DYSF: variants seen among roughly 807,000 people sequenced by gnomAD.
The protein encoded by DYSF is dysferlin.
Under a neutral mutation model 274.9 loss-of-function variants are expected in DYSF, and 212 were observed. The ratio of observed to expected loss-of-function variants is 0.77; its 90% CI spans 0.69 to 0.86. DYSF has a LOEUF of 0.86. Among genes scored for constraint, DYSF ranks in the 40% least tolerant of loss-of-function variants. The pLI is 0.00. For synonymous variants in DYSF, 1,091 were observed against 1,078.7 expected (o/e 1.01, Z -0.22); for missense variants, 2,666 against 2,783.2 (o/e 0.96, Z 0.95).
At chr2:71,503,520 C>T (rs2085196418) in intron 4 of DYSF, among the ~76,000 whole-genome samples, 1 of 152,142 alleles carries the variant, frequency 6.6e-6, no homozygotes, top group South Asian at 2.1e-4. Flanking sequence ...GAGCCCTGAC[C>T]CCACCTGCAG....
chr2:71,617,976 G>T (rs1377962306), intron 40 of DYSF, among the ~76,000 whole-genome samples: 1 of 143,260 alleles, frequency 7.0e-6, no homozygotes, highest in Non-Finnish European at 1.5e-5. Context: ...AGAGGTGTTT[G>T]TGTGGTAGAG....
At chr2:71,551,530 A>G in intron 18 of DYSF, 77 bp from the exon 19 acceptor site, 2 of 1,286,414 alleles carry the variant, frequency 1.6e-6, no homozygotes, top group Non-Finnish European at 2.2e-6. Context: ...GAGCTACCTC[A>G]GGGCCAGAGG....
At chr2:71,540,756 A>G (rs1384761078) in intron 17 of DYSF, among the ~76,000 whole-genome samples, 1 of 151,760 alleles carries the variant, frequency 6.6e-6, no homozygotes, top group African/African-American at 2.4e-5. Context: ...GGAAATGTTT[A>G]TCTTTTTCTC....
intron 41 of DYSF, among the ~76,000 whole-genome samples, chr2:71,625,972 G>A (rs969602619): frequency 5.9e-5 from 9 of 151,768 alleles, no homozygotes; most frequent in African/African-American, 1.7e-4. Flanking sequence ...AAATGAAATC[G>A]ATTCTCATAT....
chr2:71,669,282 G>C, intron 50 of DYSF, 75 bp downstream of exon 50: 10 of 1,278,952 alleles, frequency 7.8e-6, no homozygotes, highest in Non-Finnish European at 1.0e-5. Context: ...GCACAGCACG[G>C]GGGGCTCTGG....
chr2:71,509,046 G>C (rs1029328352), intron 4 of DYSF, among the ~76,000 whole-genome samples: 3 of 151,798 alleles, frequency 2.0e-5, no homozygotes, highest in African/African-American at 7.3e-5. Flanking sequence ...TAGAGATGGG[G>C]GGTTTTACCA....
In DYSF at chr2:71,656,216, T is replaced by G. The variant is rs768643299; in HGVS notation, c.4681T>G (p.Cys1561Gly). The change falls in exon 43 of 56, where the codon TGT (cysteine) becomes GGT (glycine). Residue 1561 changes from cysteine to glycine, a missense_variant. Transcript: ENST00000410020. ...VEAFEGLSDF[C>G]NTFKLYRGKT... Reference sequence around the variant, plus strand: ...GGCCTTTGAGGGCCTGTCTGACTTTTGTAACACCTTCAAGCTGTACCGGGG... The same window carrying G: ...GGCCTTTGAGGGCCTGTCTGACTTTGGTAACACCTTCAAGCTGTACCGGGG... 3.1e-6 allele frequency: 5 copies of G among 1,614,236 alleles called. No homozygotes were observed. The Admixed American group carries it at 5.0e-5, about 16-fold the overall frequency.
In DYSF at chr2:71,663,040, T is replaced by C. The variant is rs538848347; in HGVS notation, c.5004-1228T>C. 4.9e-3 allele frequency among the ~76,000 whole-genome samples: 744 copies of C among 150,546 alleles called. 2 individuals are homozygous for C. Among genetic ancestry groups the C allele is most frequent in the African/African-American group, 0.016 (653 of 40,020 alleles). ...GTATGTTTACGTGTGTGTGTGTGTGTGCGCGCACGCGCGTGGTGTAGGGAA... is the reference window on the plus strand; with the variant it reads ...GTATGTTTACGTGTGTGTGTGTGTGCGCGCGCACGCGCGTGGTGTAGGGAA... On this transcript the variant is annotated intron_variant, in intron 45 of 55. Coordinates refer to ENST00000410020, the MANE Select transcript of DYSF (RefSeq NM_001130987.2).
intron 30 of DYSF, among the ~76,000 whole-genome samples, chr2:71,580,288 G>C (rs1441342654): frequency 6.6e-6 from 1 of 152,276 alleles, no homozygotes; most frequent in African/African-American, 2.4e-5. Context: ...GTTGGTGGAG[G>C]CCAGCATCCC....
intron 53 of DYSF, 83 bp from the exon 54 acceptor site, chr2:71,680,918 T>C: frequency 8.9e-7 from 1 of 1,122,924 alleles, no homozygotes; most frequent in Non-Finnish European, 1.3e-6. Context: ...GAAGTGGCCC[T>C]TATGTTTTTT....
intron 47 of DYSF, among the ~76,000 whole-genome samples, 160 bp downstream of exon 47, chr2:71,665,464 G>A (rs1011299293): frequency 1.3e-5 from 2 of 152,236 alleles, no homozygotes; most frequent in African/African-American, 4.8e-5. Context: ...CTTGCACTTG[G>A]TACTTTGAGG....
intron 1 of DYSF, among the ~76,000 whole-genome samples, chr2:71,476,837 T>TC (rs2082430746): frequency 4.8e-5 from 7 of 145,528 alleles, no homozygotes; most frequent in Non-Finnish European, 8.9e-5. Context: ...TTTTTTTTTT[T>TC]TCCATGGAAT....
At chr2:71,667,715 C>G (rs1384137884) in intron 48 of DYSF, among the ~76,000 whole-genome samples, 200 bp downstream of exon 48, 6 of 152,150 alleles carry the variant, frequency 3.9e-5, no homozygotes, top group Non-Finnish European at 1.5e-5. Flanking sequence ...CTGGCTGCCT[C>G]CATCCCTCAG....
At chr2:71,538,434 C>G (rs1304829693) in intron 16 of DYSF, among the ~76,000 whole-genome samples, 1 of 152,148 alleles carries the variant, frequency 6.6e-6, no homozygotes, top group Non-Finnish European at 1.5e-5. Flanking sequence ...AGGCCCTATG[C>G]CATGCAGGAG....
At chr2:71,526,411 T>TGGGGGGGGGGGGGGGGGGGG in intron 13 of DYSF, 65 bp downstream of exon 13, 4 of 306,918 alleles carry the variant, frequency 1.3e-5, no homozygotes, top group East Asian at 1.1e-4. Context: ...CTGGTGGGGG[T>TGGGGGGGGGGGGGGGGGGGG]GGGCGATGGC....
At position 71,568,462 on chromosome 2, in the gene DYSF, G is replaced by T. The variant is rs1315695411; in HGVS notation, c.2864+124G>T. On this transcript the variant is annotated intron_variant, in intron 26 of 55. Coordinates refer to ENST00000410020, the MANE Select transcript of DYSF (RefSeq NM_001130987.2). ...CTGCTTGCTCCTGCGCTGGTCATAG[G>T]AACTTCCGCTGAACTCTCCCAGGAC... 29 of 1,310,934 alleles carry T rather than the reference G, an allele frequency of 2.2e-5. 1 individual carries two copies. The Middle Eastern group carries it at 1.1e-3, about 49-fold the overall frequency. 81.2% of individuals were successfully genotyped at this position (1,310,934 alleles called of 1,614,324 possible). A position where few individuals can be genotyped will look rare whatever the true frequency, so the allele number is the denominator to read the frequency against.
In DYSF at chr2:71,610,853, G is replaced by A. The variant is rs2093741435; in HGVS notation, c.3958-392G>A. 1.2e-5 allele frequency: 4 copies of A among 329,690 alleles called. No homozygotes were observed. In the Admixed American group the frequency reaches 1.6e-4, roughly 14 times the overall value. The allele number at this position is 329,690 out of a possible 1,614,324, so 20.4% of individuals were successfully genotyped here. The stretch of plus-strand genomic sequence containing the variant: ...GCGGGCAGGCACATGGTCCTCTCTG[G>A]GACTGAGAGGGGCTGAAGTGGATCT... On this transcript the variant is annotated intron_variant, in intron 36 of 55. Coordinates refer to ENST00000410020, the MANE Select transcript of DYSF (RefSeq NM_001130987.2).
In DYSF at chr2:71,478,842, T is replaced by C. The variant is rs540723227; in HGVS notation, c.92-2041T>C. On this transcript the variant is annotated intron_variant, in intron 1 of 55. Transcript: ENST00000410020. ...TCTCACGTGCTCTCTTTCTCTTTTT[T>C]TCTCTCTCCTCTTCTTCAAATCCTC... Among the ~76,000 whole-genome samples, 30 of 152,204 alleles carry C rather than the reference T, an allele frequency of 2.0e-4. 1 individual carries two copies. Among genetic ancestry groups the C allele is most frequent in the Admixed American group, 6.5e-5 (1 of 15,288 alleles).
chr2:71,661,807 G>A (rs1260190100), intron 45 of DYSF, among the ~76,000 whole-genome samples: 1 of 152,234 alleles, frequency 6.6e-6, no homozygotes, highest in African/African-American at 2.4e-5. Context: ...CACTCACCCT[G>A]CAGTGAGGAC....
Sources: allele counts gnomAD v4.1 joint callset (sites outside exome capture counted in the v4.1 genomes callset), GRCh38; gene constraint gnomAD v4.1.1; transcripts MANE v1.5; gene names NCBI Gene and HGNC (gene_info 2026-07-23, HGNC 2026-07-21).